Variants in CHN2 observed in about 807,000 individuals in gnomAD.
The protein encoded by CHN2 is beta-chimaerin.
CHN2 carries 35 observed loss-of-function variants against 56.3 expected under a neutral mutation model. The observed-to-expected ratio is 0.62, with a 90% confidence interval of 0.47 to 0.82. The LOEUF (loss-of-function observed/expected upper bound fraction) is 0.82, where lower values mean the gene tolerates loss of function less well. Ranked by LOEUF, CHN2 falls within the 40% of genes least tolerant of loss-of-function variation. CHN2 has a pLI of 0.00. For missense variants in CHN2, 491 were observed against 580.5 expected, an observed-to-expected ratio of 0.85 and a Z score of 1.58; for synonymous variants, 210 against 212.8, an observed-to-expected ratio of 0.99 and a Z score of 0.12.
At chr7:29,263,666 T>C (rs1562874624) in intron 1 of CHN2, among the ~76,000 whole-genome samples, 1 of 149,318 alleles carries the variant, frequency 6.7e-6, no homozygotes, top group Non-Finnish European at 1.5e-5. Context: ...GAGGAGCGCC[T>C]CTTCCCGGCC....
intron 1 of CHN2, among the ~76,000 whole-genome samples, chr7:29,243,084 G>A (rs1472851023): frequency 2.0e-5 from 3 of 151,702 alleles, no homozygotes; most frequent in Non-Finnish European, 2.9e-5. Flanking sequence ...AGCTGGGTTA[G>A]TTCTATTAGA....
chr7:29,317,052 GA>G (rs1461830938), intron 1 of CHN2, among the ~76,000 whole-genome samples: 1 of 152,188 alleles, frequency 6.6e-6, no homozygotes, highest in Non-Finnish European at 1.5e-5. Flanking sequence ...GCACAATCAT[GA>G]TAAGTAACAC....
intron 6 of CHN2, among the ~76,000 whole-genome samples, chr7:29,432,551 C>T (rs368729911): frequency 2.6e-5 from 4 of 152,268 alleles, no homozygotes; most frequent in East Asian, 3.9e-4. Context: ...ATACTATACT[C>T]GCCTACTAAG....
chr7:29,274,538 A>G (rs1791019546), intron 1 of CHN2, among the ~76,000 whole-genome samples: 1 of 152,222 alleles, frequency 6.6e-6, no homozygotes, highest in South Asian at 2.1e-4. Flanking sequence ...ATTAATCAAG[A>G]CAGTGGCTGA....
At chr7:29,197,953 G>A (rs1266292774) in intron 1 of CHN2, 1 of 456,334 alleles carries the variant, frequency 2.2e-6, no homozygotes, top group East Asian at 6.9e-5. Flanking sequence ...TTCAGGAAGA[G>A]AGAAGAGCTT....
At chr7:29,230,801 T>A (rs1417553320) in intron 1 of CHN2, among the ~76,000 whole-genome samples, 3 of 152,164 alleles carry the variant, frequency 2.0e-5, no homozygotes, top group Non-Finnish European at 2.9e-5. Flanking sequence ...AATCTTGAAA[T>A]TTTTTTTGTG....
chr7:29,285,548 C>T (rs1792080020), intron 1 of CHN2, among the ~76,000 whole-genome samples: 1 of 152,234 alleles, frequency 6.6e-6, no homozygotes, highest in African/African-American at 2.4e-5. Flanking sequence ...CAGCGTTAGA[C>T]CACATTTGCT....
intron 3 of CHN2, among the ~76,000 whole-genome samples, chr7:29,382,870 T>C (rs939918316): frequency 6.6e-5 from 10 of 152,030 alleles, no homozygotes; most frequent in African/African-American, 2.4e-4. Flanking sequence ...CCAAATAATA[T>C]CCTAGAAGTA....
At chr7:29,434,104 G>A (rs936614678) in intron 6 of CHN2, among the ~76,000 whole-genome samples, 10 of 152,170 alleles carry the variant, frequency 6.6e-5, no homozygotes, top group African/African-American at 2.4e-4. Context: ...AGTGCACTAA[G>A]ATAGATTAGG....
At chr7:29,381,993 G>A (rs1265368806) in intron 3 of CHN2, among the ~76,000 whole-genome samples, 1 of 152,012 alleles carries the variant, frequency 6.6e-6, no homozygotes, top group East Asian at 1.9e-4. Context: ...GAGTTCCAGG[G>A]TAGTCCAACC....
In CHN2 at chr7:29,504,799, T is replaced by C; in HGVS notation, c.969T>C (p.Asp323=). The C allele has an allele frequency of 6.2e-7, 1 of 1,613,470 alleles. No homozygotes were observed. ...CTGGGTTCACTGAACACATTGAAGA[T>C]GTCAAAATGGCATTTGACAGAGGTA... is the stretch of plus-strand genomic sequence containing the variant. ...RVSGFTEHIE[D]VKMAFDRDGE... is the part of the protein sequence containing the mutation. The change falls in exon 10 of 13, where the codon GAT becomes GAC. Residue 323 remains aspartate (D), a synonymous_variant. Coordinates refer to ENST00000222792, the MANE Select transcript of CHN2 (RefSeq NM_004067.4).
At chr7:29,332,444 C>A (rs1358508283) in intron 1 of CHN2, among the ~76,000 whole-genome samples, 1 of 152,120 alleles carries the variant, frequency 6.6e-6, no homozygotes, top group African/African-American at 2.4e-5. Flanking sequence ...GATGCAAAAG[C>A]GGAATGCATT....
chr7:29,216,032 C>T (rs1049549609), intron 1 of CHN2, among the ~76,000 whole-genome samples: 2 of 151,986 alleles, frequency 1.3e-5, no homozygotes, highest in Non-Finnish European at 2.9e-5. Flanking sequence ...GGCAAGCTGT[C>T]GAGTAGAAAT....
In CHN2 at chr7:29,452,788, ATGG is replaced by A. The variant is rs971039326; in HGVS notation, c.577-27486_577-27484del. ...TTTTATAGGAAGAGTGAAAGAGTAGATGGTGGTCTCATTCATTCTGTCCCGGAG... is the reference window on the plus strand; with the variant it reads ...TTTTATAGGAAGAGTGAAAGAGTAGATGGTCTCATTCATTCTGTCCCGGAG... On this transcript the variant is annotated intron_variant, in intron 6 of 12. Coordinates refer to ENST00000222792, the MANE Select transcript of CHN2 (RefSeq NM_004067.4). Among the ~76,000 whole-genome samples, 7 of 152,340 alleles carry A rather than the reference ATGG, an allele frequency of 4.6e-5. No individual in the cohort carries two copies. The South Asian group carries it at 1.5e-3, about 32-fold the overall frequency.
chr7:29,164,236 A>G (rs1324615941), intron 2 of CHN2, among the ~76,000 whole-genome samples: 1 of 152,156 alleles, frequency 6.6e-6, no homozygotes, highest in Non-Finnish European at 1.5e-5. Flanking sequence ...AATTTTCCTA[A>G]TGACTAATGA....
At position 29,289,643 on chromosome 7, in the gene CHN2, G is replaced by A. The variant is rs189346766; in HGVS notation, c.50-64982G>A. Reference sequence around the variant, plus strand: ...ATCCTGCGGGGTGGAGGTAGATGTGGGGGATGGGGAACTTGACTATTTTCA... The same window carrying A: ...ATCCTGCGGGGTGGAGGTAGATGTGAGGGATGGGGAACTTGACTATTTTCA... On this transcript the variant is annotated intron_variant, in intron 1 of 12. Coordinates refer to ENST00000222792, the MANE Select transcript of CHN2 (RefSeq NM_004067.4). 3.9e-5 allele frequency among the ~76,000 whole-genome samples: 6 copies of A among 152,270 alleles called. No individual in the cohort carries two copies. In the East Asian group the frequency reaches 1.2e-3, roughly 29 times the overall value.
chr7:29,412,835 G>T (rs958317699), intron 6 of CHN2, among the ~76,000 whole-genome samples: 13 of 128,256 alleles, frequency 1.0e-4, no homozygotes, highest in African/African-American at 3.8e-4. Flanking sequence ...AAGAAGGAAA[G>T]GTCAAAGTTC....
rs145638795 is a variant in CHN2 at position 29,268,283 on chromosome 7, AACAC to A, written c.49+73329_49+73332del. On this transcript the variant is annotated intron_variant, in intron 1 of 12. Transcript: ENST00000222792. ...TGTCCTTCATCCACGGCTTCACCAG[AACAC>A]ACACACACACACACACACACACACA... Among the ~76,000 whole-genome samples, 641 of 134,234 alleles carry A rather than the reference AACAC, an allele frequency of 4.8e-3. 2 individuals carry two copies. The highest frequency in any genetic ancestry group is 8.1e-3 in the African/African-American group (289 of 35,766). 88.1% of individuals were successfully genotyped at this position (134,234 alleles called of 152,430 possible). A position where few individuals can be genotyped will look rare whatever the true frequency, so the allele number is the denominator to read the frequency against.
intron 1 of CHN2, among the ~76,000 whole-genome samples, chr7:29,214,230 T>C (rs1584757750): frequency 6.6e-6 from 1 of 152,186 alleles, no homozygotes; most frequent in South Asian, 2.1e-4. Flanking sequence ...AGTAAGGCCC[T>C]AGGTCTTAGT....
Sources: allele counts gnomAD v4.1 joint callset (sites outside exome capture counted in the v4.1 genomes callset), GRCh38; gene constraint gnomAD v4.1.1; transcripts MANE v1.5; gene names NCBI Gene and HGNC (gene_info 2026-07-23, HGNC 2026-07-21).